The following CBFA2T2 variants were observed in gnomAD, a reference collection of about 807,000 sequenced individuals.
CBFA2T2 encodes the protein CBFA2/RUNX1 partner transcriptional co-repressor 2.
Under a neutral mutation model 62.2 loss-of-function variants are expected in CBFA2T2, and 11 were observed. The observed-to-expected ratio is 0.18, with a 90% CI of 0.11 to 0.29. CBFA2T2 has a LOEUF of 0.29. Ranked by LOEUF, CBFA2T2 falls within the 10% of genes least tolerant of loss-of-function variation. The pLI is 1.00. For synonymous variants in CBFA2T2, 295 were observed against 287.5 expected (o/e 1.03, Z -0.27); for missense variants, 592 against 774.1 (o/e 0.76, Z 2.79).
rs188290421 is a variant in CBFA2T2, at chr20:33,517,258, C to G, written c.34+26957C>G. Among the ~76,000 whole-genome samples the G allele has an allele frequency of 2.0e-5, 3 of 152,232 alleles. No individual in the cohort carries two copies. The East Asian group carries it at 5.8e-4, about 29-fold the overall frequency. On this transcript the variant is annotated intron_variant, in intron 1 of 10. Coordinates refer to ENST00000342704, the MANE Select transcript of CBFA2T2 (RefSeq NM_001032999.3). ...AGTTCTGTAACTAGACAGAGCTGTG[C>G]TGGAAATGAAAATAAGTCCTTTCTG... is the stretch of plus-strand genomic sequence containing the variant.
At chr20:33,552,246 G>A (rs2012760434) in intron 1 of CBFA2T2, among the ~76,000 whole-genome samples, 1 of 152,098 alleles carries the variant, frequency 6.6e-6, no homozygotes, top group South Asian at 2.1e-4. Context: ...AGCATTTTCA[G>A]GTTATTTGAC....
intron 1 of CBFA2T2, among the ~76,000 whole-genome samples, chr20:33,549,861 CTTTTT>C (rs368043905): frequency 8.0e-6 from 1 of 124,288 alleles, no homozygotes; most frequent in Non-Finnish European, 1.7e-5. Context: ...ATGGCTGCTG[CTTTTT>C]TTTTTTTTTT....
Position 33,603,409 on chromosome 20 carries a change from G to T in CBFA2T2, c.35-3547G>T, listed in dbSNP as rs569531924. Among the ~76,000 whole-genome samples, 4 of 152,262 alleles carry T rather than the reference G, an allele frequency of 2.6e-5. No individual in the cohort carries two copies. In the East Asian group the frequency reaches 7.7e-4, roughly 29 times the overall value. ...TTCTTTGGCTTCCCATGGTTTAGGT[G>T]TTGAACCATAAGTCATTTTGGAAAT... On this transcript the variant is annotated intron_variant, in intron 1 of 10. Coordinates refer to ENST00000342704, the MANE Select transcript of CBFA2T2 (RefSeq NM_001032999.3).
intron 1 of CBFA2T2, among the ~76,000 whole-genome samples, chr20:33,542,159 T>C (rs1298069168): frequency 6.6e-6 from 1 of 152,222 alleles, no homozygotes; most frequent in African/African-American, 2.4e-5. Context: ...ACCTACATTT[T>C]AACAAGTTCC....
At chr20:33,587,335 C>T (rs1243811630) in intron 1 of CBFA2T2, among the ~76,000 whole-genome samples, 4 of 152,058 alleles carry the variant, frequency 2.6e-5, no homozygotes, top group East Asian at 1.9e-4. Context: ...GGCACGATCT[C>T]GGCTCACTGC....
chr20:33,527,764 G>A (rs1017705517), intron 1 of CBFA2T2, among the ~76,000 whole-genome samples: 12 of 151,488 alleles, frequency 7.9e-5, no homozygotes, highest in African/African-American at 2.9e-4. Flanking sequence ...GTTTAGTCTC[G>A]AATGCCTGAC....
intron 1 of CBFA2T2, among the ~76,000 whole-genome samples, chr20:33,582,044 T>G (rs1293256211): frequency 1.3e-5 from 2 of 152,160 alleles, no homozygotes; most frequent in Non-Finnish European, 2.9e-5. Flanking sequence ...AATCTTCCCT[T>G]TTTTGTCCCA....
At chr20:33,544,030 T>G (rs1349577610) in intron 1 of CBFA2T2, among the ~76,000 whole-genome samples, 1 of 152,132 alleles carries the variant, frequency 6.6e-6, no homozygotes, top group African/African-American at 2.4e-5. Context: ...CCTAGTTGTT[T>G]TCCCTGTTTC....
intron 8 of CBFA2T2, among the ~76,000 whole-genome samples, chr20:33,630,488 C>T (rs1055620718): frequency 2.6e-5 from 4 of 152,116 alleles, no homozygotes; most frequent in African/African-American, 9.7e-5. Context: ...GCCCACCATT[C>T]AGGAAAATAC....
chr20:33,507,081 T>C (rs1232342409), intron 1 of CBFA2T2, among the ~76,000 whole-genome samples: 1 of 152,212 alleles, frequency 6.6e-6, no homozygotes, highest in East Asian at 1.9e-4. Flanking sequence ...TTTAAGGGCC[T>C]GATATTTGTA....
chr20:33,649,428 G>T lies in CBFA2T2; in HGVS notation c.*4782G>T, dbSNP rs149935379. 1.2e-4 allele frequency: 18 copies of T among 152,776 alleles called. No individual in the cohort carries two copies. Among genetic ancestry groups the T allele is most frequent in the African/African-American group, 4.1e-4 (17 of 41,572 alleles). The allele number at this position is 152,776 out of a possible 1,614,324, so 9.5% of individuals were successfully genotyped here. On this transcript the variant is annotated 3_prime_UTR_variant, in exon 11 of 11. Coordinates refer to ENST00000342704, the MANE Select transcript of CBFA2T2 (RefSeq NM_001032999.3). Reference sequence around the variant, plus strand: ...GACGTGCTCATTTCCAAAGATGATGGTGCAGGTGACCTTTTCCATCGTGAG... The same window carrying T: ...GACGTGCTCATTTCCAAAGATGATGTTGCAGGTGACCTTTTCCATCGTGAG...
chr20:33,637,923 T>A (rs2016685491), intron 9 of CBFA2T2, among the ~76,000 whole-genome samples: 1 of 146,310 alleles, frequency 6.8e-6, no homozygotes, highest in Non-Finnish European at 1.5e-5. Context: ...TGCCTTGGCC[T>A]CCCAAAGTGC....
At chr20:33,517,255 G>A (rs2011615919) in intron 1 of CBFA2T2, among the ~76,000 whole-genome samples, 1 of 152,136 alleles carries the variant, frequency 6.6e-6, no homozygotes, top group Non-Finnish European at 1.5e-5. Context: ...AGACAGAGCT[G>A]TGCTGGAAAT....
At chr20:33,614,245 A>G (rs1371849167) in intron 3 of CBFA2T2, among the ~76,000 whole-genome samples, 1 of 152,154 alleles carries the variant, frequency 6.6e-6, no homozygotes, top group Non-Finnish European at 1.5e-5. Context: ...ATAGTAAAAT[A>G]TACATTATAG....
intron 1 of CBFA2T2, among the ~76,000 whole-genome samples, chr20:33,587,069 G>A (rs1027201651): frequency 1.3e-5 from 2 of 152,144 alleles, no homozygotes; most frequent in East Asian, 3.9e-4. Flanking sequence ...AACTTCCCGA[G>A]TAGCTGGGAC....
chr20:33,499,167 TAATG>T (rs1359321460), intron 1 of CBFA2T2, among the ~76,000 whole-genome samples: 4 of 152,212 alleles, frequency 2.6e-5, no homozygotes, highest in Non-Finnish European at 5.9e-5. Context: ...TGATAGTGCT[TAATG>T]AATGATTGCA....
chr20:33,576,998 A>G (rs1284973746), intron 1 of CBFA2T2, among the ~76,000 whole-genome samples: 1 of 152,138 alleles, frequency 6.6e-6, no homozygotes, highest in African/African-American at 2.4e-5. Context: ...CCAAAAAAAG[A>G]TGGAGCACTC....
chr20:33,512,376 T>G (rs1340577087), intron 1 of CBFA2T2, among the ~76,000 whole-genome samples: 1 of 151,998 alleles, frequency 6.6e-6, no homozygotes, highest in Non-Finnish European at 1.5e-5. Context: ...AAAGAAAACA[T>G]TAACAGCAAC....
intron 1 of CBFA2T2, among the ~76,000 whole-genome samples, chr20:33,538,893 T>G (rs1202377379): frequency 6.6e-6 from 1 of 152,084 alleles, no homozygotes; most frequent in Non-Finnish European, 1.5e-5. Context: ...AGGTATTCTC[T>G]CAGTCTATGT....
Sources: allele counts gnomAD v4.1 joint callset (sites outside exome capture counted in the v4.1 genomes callset), GRCh38; gene constraint gnomAD v4.1.1; transcripts MANE v1.5; gene names NCBI Gene and HGNC (gene_info 2026-07-23, HGNC 2026-07-21).